Variants in RAP1GAP observed in about 807,000 individuals in gnomAD.
RAP1GAP encodes the protein rap1 GTPase-activating protein 1.
In RAP1GAP, 35 loss-of-function variants were observed where a neutral mutation model predicts 87.2. The ratio of observed to expected loss-of-function variants is 0.40; its 90% confidence interval spans 0.31 to 0.53. The LOEUF (loss-of-function observed/expected upper bound fraction) is 0.53, where lower values mean the gene tolerates loss of function less well. RAP1GAP is among the 20% of genes least tolerant of loss of function. The pLI is 0.48. For missense variants in RAP1GAP, 734 were observed against 898.9 expected (o/e 0.82, Z 2.35); for synonymous variants, 375 against 363.9 (o/e 1.03, Z -0.35).
intron 2 of RAP1GAP, among the ~76,000 whole-genome samples, chr1:21,643,186 T>C (rs952865695): frequency 5.3e-5 from 8 of 152,146 alleles, no homozygotes; most frequent in Non-Finnish European, 1.0e-4. Context: ...TAAATGCTTA[T>C]TGAATTAGTT....
intron 2 of RAP1GAP, among the ~76,000 whole-genome samples, chr1:21,640,103 C>A (rs910824232): frequency 3.5e-5 from 4 of 115,698 alleles, no homozygotes; most frequent in East Asian, 6.0e-4. Flanking sequence ...GGGCTTCTTT[C>A]CTCCTTCTCC....
intron 19 of RAP1GAP, 27 bp from the exon 20 acceptor site, chr1:21,601,824 G>A: frequency 6.6e-7 from 1 of 1,514,206 alleles, no homozygotes; most frequent in Non-Finnish European, 9.0e-7. Flanking sequence ...GGCAGCGGGG[G>A]GATTCAGCAC....
At position 21,617,441 on chromosome 1, in the gene RAP1GAP, C is replaced by T. The variant is rs2082967706; in HGVS notation, c.156G>A (p.Gly52=). 2 of 1,606,538 alleles carry T rather than the reference C, an allele frequency of 1.2e-6. No individual in the cohort carries two copies. Among genetic ancestry groups the T allele is most frequent in the African/African-American group, 2.7e-5 (2 of 74,982 alleles). Residue 52 remains glycine (G), a synonymous_variant, in exon 7 of 25, where the codon GGG becomes GGA. Transcript: ENST00000374765. ...GGTTGGTGCCCTCAATCCAGTAGCC[C>T]CCAAACTGGGGCAGCAGGATGAGGG... is the stretch of plus-strand genomic sequence containing the variant. ...PFPLILLPQF[G]GYWIEGTNHE... is the part of the protein sequence containing the mutation.
chr1:21,612,726 G>A (rs771095250), intron 10 of RAP1GAP, among the ~76,000 whole-genome samples: 4 of 152,132 alleles, frequency 2.6e-5, no homozygotes, highest in Non-Finnish European at 4.4e-5. Context: ...GCAGAAGCCC[G>A]TGCCCCTATC....
chr1:21,599,122 A>C (rs752569402), intron 21 of RAP1GAP, among the ~76,000 whole-genome samples: 26 of 152,330 alleles, frequency 1.7e-4, no homozygotes, highest in East Asian at 5.8e-4. Context: ...AGAAAGGAGG[A>C]GGCGGCAGGA....
rs377109634 is a variant in RAP1GAP at position 21,611,750 on chromosome 1, G to T, written c.679C>A (p.Leu227Ile). ...SPAFVEFLEF[L>I]GQKVKLQDFK... is the part of the protein sequence containing the mutation. ...TCCTGCAGTTTGACCTTCTGGCCAA[G>T]AAATTCAAGGAACTCCACGAAAGCG... The change falls in exon 12 of 25, where the codon CTT becomes ATT. Residue 227 changes from leucine to isoleucine, a missense_variant. This residue lies in a region of RAP1GAP where 485 missense variants were observed against 646.2 expected (regional missense o/e 0.75). Coordinates refer to ENST00000374765, the MANE Select transcript of RAP1GAP (RefSeq NM_002885.4). 3 of 1,613,884 alleles carry T rather than the reference G, an allele frequency of 1.9e-6. No individual in the cohort carries two copies. In the African/African-American group the frequency reaches 4.0e-5, roughly 22 times the overall value.
intron 1 of RAP1GAP, among the ~76,000 whole-genome samples, chr1:21,665,635 C>T (rs1378890910): frequency 2.0e-5 from 3 of 152,232 alleles, no homozygotes; most frequent in Non-Finnish European, 4.4e-5. Flanking sequence ...CCTTCTTCCT[C>T]TCTGAGTCAC....
rs2076506036 is a variant in RAP1GAP, at chr1:21,608,950, G to A, written c.1072-14C>T. On this transcript the variant is annotated splice_polypyrimidine_tract_variant and intron_variant, in intron 15 of 24. Transcript: ENST00000374765. ...GAACTCAGGCCCCTGGAAACTCCCA[G>A]TGTGGAGGAGATAAGGAAGGGAAGT... The A allele has an allele frequency of 4.4e-6, 7 of 1,598,630 alleles. No individual in the cohort carries two copies. The highest frequency in any genetic ancestry group is 6.0e-6 in the Non-Finnish European group (7 of 1,165,832).
chr1:21,650,336 C>T lies in RAP1GAP; in HGVS notation c.-148-540G>A, dbSNP rs577450099. On this transcript the variant is annotated intron_variant, in intron 1 of 24. Coordinates refer to ENST00000374765, the MANE Select transcript of RAP1GAP (RefSeq NM_002885.4). ...AGGAGGAGCTTCCCCCCACCCTCAC[C>T]CCAACACACGTACCCTGCTCCCTAA... Among the ~76,000 whole-genome samples the T allele has an allele frequency of 9.2e-5, 14 of 152,218 alleles. No individual in the cohort carries two copies. In the South Asian group the frequency reaches 2.7e-3, roughly 29 times the overall value.
Position 21,653,564 on chromosome 1 carries a change from C to CTTCCT in RAP1GAP, c.-148-3773_-148-3769dup, listed in dbSNP as rs1446230982. ...AGGAACTTCCTTCCTTCCTTCCTTC[C>CTTCCT]TTCCTTCCTTCCTTCCTTCCTTCCT... On this transcript the variant is annotated intron_variant, in intron 1 of 24. Transcript: ENST00000374765. Among the ~76,000 whole-genome samples, 12 of 126,754 alleles carry CTTCCT rather than the reference C, an allele frequency of 9.5e-5. No homozygotes were observed. The South Asian group carries it at 1.3e-3, about 14-fold the overall frequency. The allele number at this position is 126,754 out of a possible 152,430, so 83.2% of individuals were successfully genotyped here.
intron 2 of RAP1GAP, among the ~76,000 whole-genome samples, chr1:21,649,394 C>G (rs2096376447): frequency 6.6e-6 from 1 of 152,120 alleles, no homozygotes; most frequent in Admixed American, 6.5e-5. Context: ...AGCATTTAAG[C>G]AAAAAGGGCC....
At chr1:21,607,102 G>C (rs2075181153) in intron 17 of RAP1GAP, among the ~76,000 whole-genome samples, 1 of 152,162 alleles carries the variant, frequency 6.6e-6, no homozygotes, top group South Asian at 2.1e-4. Flanking sequence ...CTGGGTTGAG[G>C]GTGAGGTGTG....
At chr1:21,636,796 A>G (rs1221974429) in intron 2 of RAP1GAP, among the ~76,000 whole-genome samples, 1 of 151,588 alleles carries the variant, frequency 6.6e-6, no homozygotes, top group Non-Finnish European at 1.5e-5. Context: ...AACAAGAGCA[A>G]AATTCCATCT....
chr1:21,632,487 G>A (rs1228003028), intron 2 of RAP1GAP, among the ~76,000 whole-genome samples: 1 of 152,224 alleles, frequency 6.6e-6, no homozygotes, highest in African/African-American at 2.4e-5. Flanking sequence ...GCTTGGAGAG[G>A]TGAAAACACG....
chr1:21,662,343 G>C (rs1483548434), intron 1 of RAP1GAP, among the ~76,000 whole-genome samples: 1 of 152,166 alleles, frequency 6.6e-6, no homozygotes, highest in African/African-American at 2.4e-5. Flanking sequence ...ATTACTATCT[G>C]TAAAACGAGG....
chr1:21,615,323 A>G lies in RAP1GAP; in HGVS notation c.292-1234T>C, dbSNP rs1290123821. 6.6e-6 allele frequency among the ~76,000 whole-genome samples: 1 copy of G among 152,114 alleles called. No individual in the cohort carries two copies. Among genetic ancestry groups the G allele is most frequent in the Non-Finnish European group, 1.5e-5 (1 of 68,012 alleles). On this transcript the variant is annotated intron_variant, in intron 7 of 24. Transcript: ENST00000374765. This position sits in a 1 kb window ranked among gnomAD's most constrained non-coding sequence, Gnocchi z 4.5. ...CCCATTACCCCACCTGGAGTCAGGA[A>G]GGGGCCCTGCCATTCTGCCAGCCCT...
chr1:21,617,208 C>G (rs959503794), intron 7 of RAP1GAP, 98 bp downstream of exon 7: 2 of 1,367,530 alleles, frequency 1.5e-6, no homozygotes, highest in African/African-American at 2.9e-5. Context: ...TGTCACCCAG[C>G]CCTGGCCCAT....
chr1:21,615,969 C>T lies in RAP1GAP; in HGVS notation c.291+1337G>A, dbSNP rs748137150. On this transcript the variant is annotated intron_variant, in intron 7 of 24. Coordinates refer to ENST00000374765, the MANE Select transcript of RAP1GAP (RefSeq NM_002885.4). The surrounding 1 kb of genome is among the most constrained non-coding windows in gnomAD (Gnocchi z 4.5). ...TCCATGCTGGGTTCTGGGTTTGTTC[C>T]CAGGCAAAGGCTCCTGAACCTGGGC... Among the ~76,000 whole-genome samples, 1 of 152,130 alleles carries T rather than the reference C, an allele frequency of 6.6e-6. No individual in the cohort carries two copies. The highest frequency in any genetic ancestry group is 1.5e-5 in the Non-Finnish European group (1 of 68,032).
At chr1:21,657,300 C>T (rs77063646) in intron 1 of RAP1GAP, among the ~76,000 whole-genome samples, 43,015 of 152,170 alleles carry the variant, frequency 0.28, 6,738 homozygotes, top group East Asian at 0.54. Flanking sequence ...CTACTGACTC[C>T]GGCTGCGTTA....
Sources: gnomAD v4.1 joint callset for allele counts (sites outside exome capture counted in the v4.1 genomes callset) on GRCh38, gnomAD v4.1.1 for gene constraint, gnomAD v4.1.1 regional missense constraint, Gnocchi (gnomAD v3.1) non-coding constraint, MANE v1.5 for transcripts, NCBI Gene and HGNC (gene_info 2026-07-23, HGNC 2026-07-21) for gene names.